The following TASOR2 variants were observed in gnomAD, a reference collection of about 807,000 sequenced individuals.
TASOR2 encodes transcription activation suppressor family member 2, also known as protein TASOR 2.
A neutral mutation model predicts 199.5 loss-of-function variants in TASOR2; 84 were observed. The ratio of observed to expected loss-of-function variants is 0.42; its 90% CI spans 0.35 to 0.50. TASOR2 has a LOEUF of 0.50. Among genes scored for constraint, TASOR2 ranks in the 20% least tolerant of loss-of-function variants. The pLI is 0.02. For missense variants in TASOR2, 2,796 were observed against 2,835.9 expected, an observed-to-expected ratio of 0.99 and a Z score of 0.32; for synonymous variants, 1,103 against 1,046.6, an observed-to-expected ratio of 1.05 and a Z score of -1.04.
At position 5,748,696 on chromosome 10, in the gene TASOR2, A is replaced by G. The variant is rs775409058; in HGVS notation, c.5275A>G (p.Asn1759Asp). 1.2e-6 allele frequency: 2 copies of G among 1,614,208 alleles called. No individual in the cohort carries two copies. Among genetic ancestry groups the G allele is most frequent in the Non-Finnish European group, 1.7e-6 (2 of 1,180,032 alleles). The change falls in exon 15 of 21, where the codon AAT becomes GAT. Residue 1759 changes from asparagine to aspartate, a missense_variant. Physicochemically the swap from Asn to Asp is conservative, Grantham distance 23. Transcript: ENST00000328090. This position sits in a 1 kb window ranked among gnomAD's most constrained non-coding sequence, Gnocchi z 5.1. Reference sequence around the variant, plus strand: ...CTCCCTTTGTGCTGGTCCCTACCAAAATACAGCAGACACCAAGGAAAACCT... The same window carrying G: ...CTCCCTTTGTGCTGGTCCCTACCAAGATACAGCAGACACCAAGGAAAACCT...
intron 14 of TASOR2, among the ~76,000 whole-genome samples, chr10:5,744,608 ATGGT>A (rs1174592256): frequency 2.0e-5 from 3 of 151,768 alleles, no homozygotes; most frequent in Non-Finnish European, 4.4e-5. Flanking sequence ...CCAGCCAGAA[ATGGT>A]TGGTTGGTTT....
intron 1 of TASOR2, among the ~76,000 whole-genome samples, chr10:5,686,153 C>T (rs1335972707): frequency 3.3e-5 from 5 of 152,100 alleles, no homozygotes; most frequent in African/African-American, 1.2e-4. Flanking sequence ...ATAACTAAGC[C>T]AGGCCAGAAA....
chr10:5,730,431 TG>T lies in TASOR2; in HGVS notation c.488-55del. 1 of 1,326,636 alleles carries T rather than the reference TG, an allele frequency of 7.5e-7. No individual in the cohort carries two copies. The highest frequency in any genetic ancestry group is 2.3e-5 in the Admixed American group (1 of 43,006). The allele number at this position is 1,326,636 out of a possible 1,614,324, so 82.2% of individuals were successfully genotyped here. A position where few individuals can be genotyped will look rare whatever the true frequency, so the allele number is the denominator to read the frequency against. On this transcript the variant is annotated intron_variant, in intron 10 of 20. Transcript: ENST00000328090. This position sits in a 1 kb window ranked among gnomAD's most constrained non-coding sequence, Gnocchi z 4.1. ...AAATCTAAAGCTTTTTTTTCCAGAA[TG>T]TTTTGTTTTTAAAAAATAAACTTCA...
intron 1 of TASOR2, among the ~76,000 whole-genome samples, chr10:5,692,488 T>C (rs1785402092): frequency 6.6e-6 from 1 of 152,124 alleles, no homozygotes; most frequent in African/African-American, 2.4e-5. Flanking sequence ...TCGGGGGCAG[T>C]TGGCTTGCTG....
intron 11 of TASOR2, among the ~76,000 whole-genome samples, chr10:5,732,287 A>G (rs1307489505): frequency 6.6e-6 from 1 of 152,270 alleles, no homozygotes; most frequent in East Asian, 1.9e-4. Context: ...AGAAGGCAGC[A>G]CATTATGGCC....
intron 18 of TASOR2, among the ~76,000 whole-genome samples, 192 bp downstream of exon 19, chr10:5,759,184 C>A (rs1230871857): frequency 6.6e-6 from 1 of 152,138 alleles, no homozygotes; most frequent in African/African-American, 2.4e-5. Context: ...GAGGCATGTA[C>A]TTATCTAGAC....
Position 5,748,691 on chromosome 10 carries a change from A to G in TASOR2, c.5270A>G (p.Tyr1757Cys), listed in dbSNP as rs376459891. 1 of 1,614,218 alleles carries G rather than the reference A, an allele frequency of 6.2e-7. No individual in the cohort carries two copies. Among genetic ancestry groups the G allele is most frequent in the Non-Finnish European group, 8.5e-7 (1 of 1,180,046 alleles). ...GTTTCCTCCCTTTGTGCTGGTCCCT[A>G]CCAAAATACAGCAGACACCAAGGAA... The change falls in exon 15 of 21, where the codon TAC becomes TGC. Residue 1757 changes from tyrosine to cysteine, a missense_variant. This residue lies in a region of TASOR2 where 1,941 missense variants were observed against 1,924.9 expected (regional missense o/e 1.01). Coordinates refer to ENST00000328090, the Ensembl canonical transcript of TASOR2. The surrounding 1 kb of genome is among the most constrained non-coding windows in gnomAD (Gnocchi z 5.1).
At chr10:5,747,042 C>T (rs1240069437) in exon 15 of TASOR2, 24 of 1,614,022 alleles carry the variant, frequency 1.5e-5, no homozygotes, top group Non-Finnish European at 2.0e-5. Context: ...TTGAAGTGGA[C>T]TCATCATCAG....
At chr10:5,749,941 A>G (rs1837790117) in exon 15 of TASOR2, 2 of 1,614,168 alleles carry the variant, frequency 1.2e-6, no homozygotes, top group Non-Finnish European at 1.7e-6. Flanking sequence ...CGTCAAACTA[A>G]GAAGTGTTGT....
At position 5,737,268 on chromosome 10, in the gene TASOR2, GT is replaced by G. The variant is rs373598931; in HGVS notation, c.1447+1725del. ...GGTGTGAGCCACCACGCCCAGCCAG[GT>G]TTGTTTTTTTTAGTTTTTTTGTTTT... On this transcript the variant is annotated intron_variant, in intron 12 of 20. Transcript: ENST00000328090. The surrounding 1 kb of genome is among the most constrained non-coding windows in gnomAD (Gnocchi z 4.9). 7.8e-3 allele frequency among the ~76,000 whole-genome samples: 1,176 copies of G among 151,478 alleles called. 21 individuals carry two copies. Among genetic ancestry groups the G allele is most frequent in the African/African-American group, 0.026 (1,089 of 41,180 alleles).
At chr10:5,739,476 A>T in intron 12 of TASOR2, 142 bp from the exon 14 acceptor site, 1 of 743,784 alleles carries the variant, frequency 1.3e-6, no homozygotes, top group Non-Finnish European at 2.1e-6. Flanking sequence ...AAGAGACCTT[A>T]ATCTAATAGA....
At chr10:5,728,267 G>A (rs925469251) in intron 10 of TASOR2, among the ~76,000 whole-genome samples, 2 of 151,166 alleles carry the variant, frequency 1.3e-5, no homozygotes, top group Non-Finnish European at 2.9e-5. Context: ...CACAATGTGT[G>A]TGTTTAAACA....
rs186229877 is a variant in TASOR2 at position 5,743,346 on chromosome 10, G to A, written c.2757+820G>A. 2.0e-5 allele frequency among the ~76,000 whole-genome samples: 3 copies of A among 152,326 alleles called. No homozygotes were observed. The East Asian group carries it at 5.8e-4, about 29-fold the overall frequency. ...ATCTTCAAGTGATTGTCATCATCAT[G>A]AGAATTAAAGATTTCTGGGTCACTG... is the stretch of plus-strand genomic sequence containing the variant. On this transcript the variant is annotated intron_variant, in intron 14 of 20. Transcript: ENST00000328090.
Position 5,690,178 on chromosome 10 carries a change from A to G in TASOR2, c.-288+5003A>G, listed in dbSNP as rs1052220142. On this transcript the variant is annotated intron_variant, in intron 1 of 20. Transcript: ENST00000328090. The surrounding 1 kb of genome is among the most constrained non-coding windows in gnomAD (Gnocchi z 4.8). ...TTACCTACTTTATTATTACTCTACA[A>G]ATAACCAGCTTTTGCTTTTATTGCT... Among the ~76,000 whole-genome samples, 6 of 152,126 alleles carry G rather than the reference A, an allele frequency of 3.9e-5. No individual in the cohort carries two copies. Among genetic ancestry groups the G allele is most frequent in the Admixed American group, 2.0e-4 (3 of 15,278 alleles).
chr10:5,748,987 A>T lies in TASOR2; in HGVS notation c.5566A>T (p.Thr1856Ser). Residue 1856 changes from threonine (T) to serine (S), a missense_variant, in exon 15 of 21, where the codon ACC becomes TCC. By Grantham distance (58) the Thr-to-Ser change is moderately conservative. This residue lies in a region of TASOR2 where 1,941 missense variants were observed against 1,924.9 expected (regional missense o/e 1.01). Coordinates refer to ENST00000328090, the Ensembl canonical transcript of TASOR2. The surrounding 1 kb of genome is among the most constrained non-coding windows in gnomAD (Gnocchi z 5.1). ...TTCTTATACTTTAAGAGGTAGTTAC[A>T]CCAGGAAAAAAGATGTTCCCACAGA... 1 of 1,614,124 alleles carries T rather than the reference A, an allele frequency of 6.2e-7. No individual in the cohort carries two copies. The highest frequency in any genetic ancestry group is 8.5e-7 in the Non-Finnish European group (1 of 1,180,016).
intron 1 of TASOR2, among the ~76,000 whole-genome samples, chr10:5,708,831 A>G (rs1831550981): frequency 6.6e-6 from 1 of 151,952 alleles, no homozygotes; most frequent in African/African-American, 2.4e-5. Context: ...CCTCCAAAGT[A>G]GCTGGGACTA....
rs1837829966 is a variant in TASOR2, at chr10:5,750,193, G to A, written c.6606+166G>A. Among the ~76,000 whole-genome samples, 1 of 152,174 alleles carries A rather than the reference G, an allele frequency of 6.6e-6. No individual in the cohort carries two copies. Among genetic ancestry groups the A allele is most frequent in the African/African-American group, 2.4e-5 (1 of 41,450 alleles). On this transcript the variant is annotated intron_variant, in intron 15 of 20. Coordinates refer to ENST00000328090, the Ensembl canonical transcript of TASOR2. The surrounding 1 kb of genome is among the most constrained non-coding windows in gnomAD (Gnocchi z 5.4). ...TACTAAATGTTTTCCTGCAGGATCT[G>A]CCATTTGTACTATATTTGAAAATTA...
At chr10:5,688,103 C>T (rs1223571955) in intron 1 of TASOR2, among the ~76,000 whole-genome samples, 1 of 152,116 alleles carries the variant, frequency 6.6e-6, no homozygotes, top group Non-Finnish European at 1.5e-5. Flanking sequence ...GGTTGAAGTG[C>T]ATGAAGAAAA....
intron 1 of TASOR2, among the ~76,000 whole-genome samples, chr10:5,709,123 G>A (rs1324657023): frequency 3.3e-5 from 5 of 152,094 alleles, no homozygotes; most frequent in South Asian, 2.1e-4. Flanking sequence ...TAATAGTTTT[G>A]TTTAATGAAT....
Sources: allele counts gnomAD v4.1 joint callset (sites outside exome capture counted in the v4.1 genomes callset), GRCh38; gene constraint gnomAD v4.1.1; regional missense constraint gnomAD v4.1.1; non-coding constraint Gnocchi (gnomAD v3.1); transcripts MANE v1.5; gene names NCBI Gene and HGNC (gene_info 2026-07-23, HGNC 2026-07-21).